RIPOR2: variants seen among roughly 807,000 people sequenced by gnomAD.
RIPOR2 encodes the protein RHO family interacting cell polarization regulator 2.
A neutral mutation model predicts 114.5 loss-of-function variants in RIPOR2; 39 were observed. The ratio of observed to expected loss-of-function variants is 0.34; its 90% CI spans 0.26 to 0.44. The LOEUF (loss-of-function observed/expected upper bound fraction) is 0.44, where lower values mean the gene tolerates loss of function less well. Ranked by LOEUF, RIPOR2 falls within the 20% of genes least tolerant of loss-of-function variation. RIPOR2 has a pLI of 1.00. For missense variants in RIPOR2, 1,007 were observed against 1,255.1 expected (o/e 0.80, Z 2.99); for synonymous variants, 445 against 484.4 (o/e 0.92, Z 1.07).
intron 1 of RIPOR2, among the ~76,000 whole-genome samples, chr6:24,933,514 C>T (rs1391652298): frequency 1.3e-5 from 2 of 151,682 alleles, no homozygotes; most frequent in East Asian, 2.0e-4. Context: ...CAAACATGAG[C>T]CACGGCTCTG....
chr6:24,809,530 G>A (rs1354777449), intron 21 of RIPOR2, among the ~76,000 whole-genome samples, 187 bp downstream of exon 21: 1 of 152,242 alleles, frequency 6.6e-6, no homozygotes, highest in Non-Finnish European at 1.5e-5. Context: ...AGAACAAGGA[G>A]TTGGGGTGAG....
chr6:24,843,474 C>G lies in RIPOR2; in HGVS notation c.1245G>C (p.Leu415=). The change falls in exon 13 of 22, where the codon CTG becomes CTC. Residue 415 remains leucine, a synonymous_variant. Transcript: ENST00000643898. ...KMPLSLSFSD[L]PNGDCALTSH... ...AGGTGAGGGCGCAGTCCCCGTTGGG[C>G]AGGTCACTGAAGCTGAGCGACAGTG... 6.3e-7 allele frequency: 1 copy of G among 1,597,100 alleles called. No homozygotes were observed. The highest frequency in any genetic ancestry group is 8.6e-7 in the Non-Finnish European group (1 of 1,167,936).
chr6:24,832,295 T>C lies in RIPOR2; in HGVS notation c.2305A>G (p.Ser769Gly). ...IQVMEKLAAV[S>G]DENIGNISSV... ...CTGATATTTCCTATGTTCTCATCAC[T>C]GACAGCTGCGAGTTTCTCCATCACT... Residue 769 changes from serine (S) to glycine (G), a missense_variant, in exon 16 of 22, where the codon AGT becomes GGT. By Grantham distance (56) the Ser-to-Gly change is moderately conservative. Coordinates refer to ENST00000643898, the MANE Select transcript of RIPOR2 (RefSeq NM_001286445.3). 6.4e-7 allele frequency: 1 copy of C among 1,551,824 alleles called. No homozygotes were observed. The highest frequency in any genetic ancestry group is 8.7e-7 in the Non-Finnish European group (1 of 1,146,972).
chr6:25,023,663 T>G, intron 1 of RIPOR2: 1 of 762,864 alleles, frequency 1.3e-6, no homozygotes, highest in Non-Finnish European at 2.4e-6. Flanking sequence ...ACCTCGGGAC[T>G]TCATTCCAGT....
chr6:24,862,793 C>G (rs1022545870), intron 7 of RIPOR2, among the ~76,000 whole-genome samples: 1 of 115,650 alleles, frequency 8.6e-6, no homozygotes, highest in African/African-American at 3.2e-5. Context: ...TTTCCTCCCC[C>G]GACCACTGGC....
intron 19 of RIPOR2, 93 bp downstream of exon 19, chr6:24,825,133 A>C (rs1465619536): frequency 2.1e-6 from 2 of 947,988 alleles, no homozygotes; most frequent in Admixed American, 5.6e-5. Context: ...CAGAAAAATT[A>C]TTTTTATAAA....
At chr6:24,884,610 G>A (rs148739025) in intron 1 of RIPOR2, among the ~76,000 whole-genome samples, 66 of 152,272 alleles carry the variant, frequency 4.3e-4, no homozygotes, top group African/African-American at 1.5e-3. Context: ...GGGGATGGAA[G>A]AACCAGGGCC....
chr6:24,921,840 T>A (rs986088017), intron 1 of RIPOR2, among the ~76,000 whole-genome samples: 41 of 151,824 alleles, frequency 2.7e-4, no homozygotes, highest in Non-Finnish European at 5.3e-4. Flanking sequence ...TTCTTTTTTT[T>A]AAAATTTGAG....
At chr6:24,902,667 T>C (rs968419538) in intron 1 of RIPOR2, among the ~76,000 whole-genome samples, 31 of 152,204 alleles carry the variant, frequency 2.0e-4, no homozygotes, top group African/African-American at 7.2e-4. Flanking sequence ...ACATGCTAGA[T>C]TAGCCAGTTT....
intron 1 of RIPOR2, among the ~76,000 whole-genome samples, chr6:24,914,372 A>C (rs1769909588): frequency 6.6e-6 from 1 of 152,148 alleles, no homozygotes; most frequent in Admixed American, 6.5e-5. Context: ...AAAAGACCCC[A>C]AGTAGTAATA....
chr6:24,917,591 G>A (rs1275093100), intron 1 of RIPOR2, among the ~76,000 whole-genome samples: 2 of 151,984 alleles, frequency 1.3e-5, no homozygotes, highest in Non-Finnish European at 2.9e-5. Context: ...GTGCAATGGC[G>A]CGATCTTGCC....
chr6:24,938,706 C>T (rs1487352982), upstream of RIPOR2, among the ~76,000 whole-genome samples: 2 of 152,160 alleles, frequency 1.3e-5, no homozygotes, highest in African/African-American at 4.8e-5. Flanking sequence ...CCCTCAGTCT[C>T]CTCTTCTCCA....
intron 7 of RIPOR2, among the ~76,000 whole-genome samples, chr6:24,863,606 T>C (rs562031071): frequency 3.3e-5 from 5 of 152,088 alleles, no homozygotes; most frequent in Non-Finnish European, 5.9e-5. Flanking sequence ...CAAAGTAGGA[T>C]GGGGGAGGGT....
chr6:25,025,984 T>C (rs1209249404), intron 1 of RIPOR2, among the ~76,000 whole-genome samples: 1 of 152,186 alleles, frequency 6.6e-6, no homozygotes, highest in African/African-American at 2.4e-5. Context: ...AAATTGTACG[T>C]GTATTCACCA....
At chr6:25,000,568 T>C (rs75185994) in intron 1 of RIPOR2, among the ~76,000 whole-genome samples, 1,689 of 152,320 alleles carry the variant, frequency 0.011, 16 homozygotes, top group East Asian at 0.046. Flanking sequence ...AAACTAAAAT[T>C]AATTAACAAT....
chr6:24,828,150 C>G lies in RIPOR2; in HGVS notation c.2652G>C (p.Gln884His). The G allele has an allele frequency of 6.5e-7, 1 of 1,547,146 alleles. No individual in the cohort carries two copies. The highest frequency in any genetic ancestry group is 8.7e-7 in the Non-Finnish European group (1 of 1,144,518). Residue 884 changes from glutamine (Q) to histidine (H), a missense_variant, in exon 18 of 22, where the codon CAG (glutamine) becomes CAC (histidine). Transcript: ENST00000643898. ...AACATGTCCCACCTTGCCTGGCCAGCTGGCTCAGGTAACTCTCCAGGTCAC... is the reference window on the plus strand; with the variant it reads ...AACATGTCCCACCTTGCCTGGCCAGGTGGCTCAGGTAACTCTCCAGGTCAC... ...GVSDLESYLS[Q>H]LARQVSMVQT...
Position 24,828,190 on chromosome 6 carries a change from G to A in RIPOR2, c.2612C>T (p.Thr871Ile). ...VTVFQYYSYF[T>I]SHGVSDLESY... ...CTCCAGGTCACTGACGCCGTGGCTG[G>A]TGAAGTAACTGTAATACTGGAAAAC... is the stretch of plus-strand genomic sequence containing the variant. Residue 871 changes from threonine (T) to isoleucine (I), a missense_variant, in exon 18 of 22, where the codon ACC (threonine) becomes ATC (isoleucine). By Grantham distance (89) the Thr-to-Ile change is moderately conservative. Transcript: ENST00000643898. 1.3e-6 allele frequency: 2 copies of A among 1,551,278 alleles called. No homozygotes were observed. Among genetic ancestry groups the A allele is most frequent in the Non-Finnish European group, 1.7e-6 (2 of 1,146,718 alleles).
chr6:25,024,055 C>T (rs1196634165), intron 1 of RIPOR2: 2 of 763,136 alleles, frequency 2.6e-6, no homozygotes, highest in Non-Finnish European at 4.8e-6. Context: ...CTCGGGCATC[C>T]TCCAGGGAGC....
At chr6:25,026,602 T>C (rs1776638232) in intron 1 of RIPOR2, among the ~76,000 whole-genome samples, 1 of 152,238 alleles carries the variant, frequency 6.6e-6, no homozygotes, top group South Asian at 2.1e-4. Flanking sequence ...TCTTTTTCTG[T>C]ATATTTTAAG....
Sources: allele counts gnomAD v4.1 joint callset (sites outside exome capture counted in the v4.1 genomes callset), GRCh38; gene constraint gnomAD v4.1.1; transcripts MANE v1.5; gene names NCBI Gene and HGNC (gene_info 2026-07-23, HGNC 2026-07-21).